Variants in ALG1L2 observed in about 807,000 individuals in gnomAD.
ALG1L2 encodes the protein ALG1 chitobiosyldiphosphodolichol beta-mannosyltransferase like 2, also known as putative glycosyltransferase ALG1L2.
Under a neutral mutation model 29.0 loss-of-function variants are expected in ALG1L2, and 32 were observed. The ratio of observed to expected loss-of-function variants is 1.10; its 90% CI spans 0.83 to 1.48. ALG1L2 has a LOEUF of 1.48. Ranked by LOEUF, ALG1L2 falls within the 40% of genes most tolerant of loss-of-function variation. The probability of loss-of-function intolerance (pLI) is 0.00; values close to 1 mark genes in which losing one functional copy is unlikely to be tolerated. For missense variants in ALG1L2, 318 were observed against 274.1 expected (o/e 1.16, Z -1.13); for synonymous variants, 110 against 109.5 (o/e 1.00, Z -0.03).
At chr3:130,095,559 C>T (rs1178443643) in intron 5 of ALG1L2, among the ~76,000 whole-genome samples, 4 of 151,974 alleles carry the variant, frequency 2.6e-5, no homozygotes, top group Non-Finnish European at 4.4e-5. Flanking sequence ...GCCTCAGCCT[C>T]CTGAGTAGCG....
chr3:130,096,019 C>A (rs9863859), intron 5 of ALG1L2, 30 bp from the exon 6 acceptor site: 2 of 1,587,638 alleles, frequency 1.3e-6, no homozygotes, highest in Admixed American at 1.8e-5. Context: ...CAGAGACCAG[C>A]GCTCTGGCCA....
At position 130,098,298 on chromosome 3, in the gene ALG1L2, G is replaced by C. The variant is rs539447117; in HGVS notation, c.*43G>C. On this transcript the variant is annotated 3_prime_UTR_variant, in exon 8 of 8. Coordinates refer to ENST00000425059, the MANE Select transcript of ALG1L2 (RefSeq NM_001136152.1). ...ACCAGTTCCGGAAGAACCTGCGGGA[G>C]TCGCAGCAGCTCTGATGGGATGAGA... The C allele has an allele frequency of 1.8e-5, 29 of 1,596,456 alleles. No homozygotes were observed. The South Asian group carries it at 3.0e-4, about 16-fold the overall frequency.
At chr3:130,098,121 G>C (rs1434977283) in intron 7 of ALG1L2, 102 bp from the exon 8 acceptor site, 25 of 1,493,778 alleles carry the variant, frequency 1.7e-5, no homozygotes, top group Non-Finnish European at 1.9e-5. Context: ...GAGGGAGCTA[G>C]GGACTTGGGA....
rs747096677 is a variant in ALG1L2 at position 130,084,991 on chromosome 3, C to T, written c.20+2955C>T. Among the ~76,000 whole-genome samples the T allele has an allele frequency of 3.6e-5, 4 of 110,060 alleles. 1 individual carries two copies. Among genetic ancestry groups the T allele is most frequent in the African/African-American group, 6.4e-5 (2 of 31,442 alleles). 72.2% of individuals were successfully genotyped at this position (110,060 alleles called of 152,430 possible). A position where few individuals can be genotyped will look rare whatever the true frequency, so the allele number is the denominator to read the frequency against. On this transcript the variant is annotated intron_variant, in intron 1 of 7. Coordinates refer to ENST00000425059, the MANE Select transcript of ALG1L2 (RefSeq NM_001136152.1). ...TTATTTATTTTGAGACAGAATCCTGCTCTGTCACCCTGGCTGGAGTGCGGT... is the reference window on the plus strand; with the variant it reads ...TTATTTATTTTGAGACAGAATCCTGTTCTGTCACCCTGGCTGGAGTGCGGT...
rs1479189539 is a variant in ALG1L2, at chr3:130,081,972, T to C, written c.-45T>C. On this transcript the variant is annotated 5_prime_UTR_variant, in exon 1 of 8. Coordinates refer to ENST00000425059, the MANE Select transcript of ALG1L2 (RefSeq NM_001136152.1). ...GAGGCTGTCACAGAGGCTGGAGAAA[T>C]AAGCAGTTCCTTGCTAAGAAGTCTG... 2 of 1,441,962 alleles carry C rather than the reference T, an allele frequency of 1.4e-6. 1 individual carries two copies. Among genetic ancestry groups the C allele is most frequent in the Non-Finnish European group, 1.9e-6 (2 of 1,049,432 alleles). The allele number at this position is 1,441,962 out of a possible 1,614,324, so 89.3% of individuals were successfully genotyped here.
rs562843119 is a variant in ALG1L2 at position 130,092,011 on chromosome 3, G to A, written c.132-90G>A. On this transcript the variant is annotated intron_variant, in intron 2 of 7. Coordinates refer to ENST00000425059, the MANE Select transcript of ALG1L2 (RefSeq NM_001136152.1). Reference sequence around the variant, plus strand: ...CAGCCGGGCACCCCAACCGTTGGGAGCCTGCAGGCCTCACCATGGCAGGAG... The same window carrying A: ...CAGCCGGGCACCCCAACCGTTGGGAACCTGCAGGCCTCACCATGGCAGGAG... 42 of 1,572,770 alleles carry A rather than the reference G, an allele frequency of 2.7e-5. No individual in the cohort carries two copies. In the African/African-American group the frequency reaches 4.5e-4, roughly 17 times the overall value.
intron 6 of ALG1L2, 72 bp downstream of exon 6, chr3:130,096,235 G>C (rs1404999386): frequency 1.9e-6 from 3 of 1,542,904 alleles, no homozygotes; most frequent in Non-Finnish European, 2.6e-6. Context: ...GCAGTGCAGA[G>C]TGAGCTGCCC....
At chr3:130,094,343 TG>T (rs1476730864) in intron 4 of ALG1L2, 59 bp from the exon 5 acceptor site, 14 of 1,560,844 alleles carry the variant, frequency 9.0e-6, no homozygotes, top group Non-Finnish European at 1.2e-5. Context: ...GTCTTGGGCC[TG>T]GGGCTATGTG....
At chr3:130,097,619 G>T (rs1177172479) in intron 7 of ALG1L2, among the ~76,000 whole-genome samples, 1 of 152,190 alleles carries the variant, frequency 6.6e-6, no homozygotes, top group Non-Finnish European at 1.5e-5. Context: ...AAGGTTACTT[G>T]TTTCTTATTG....
intron 5 of ALG1L2, among the ~76,000 whole-genome samples, chr3:130,095,103 A>C (rs756447573): frequency 1.3e-5 from 2 of 152,128 alleles, no homozygotes; most frequent in Non-Finnish European, 2.9e-5. Context: ...ATCTCAGTTC[A>C]TGCAACCTCT....
chr3:130,091,926 CA>C, intron 2 of ALG1L2, 174 bp from the exon 3 acceptor site: 1 of 1,021,192 alleles, frequency 9.8e-7, no homozygotes, highest in East Asian at 2.6e-5. Context: ...CACCCAGCAA[CA>C]ATATTAGAGA....
rs115228908 is a variant in ALG1L2, at chr3:130,085,461, A to C, written c.20+3425A>C. Among the ~76,000 whole-genome samples the C allele has an allele frequency of 2.7e-3, 177 of 64,464 alleles. 1 individual carries two copies. Among genetic ancestry groups the C allele is most frequent in the South Asian group, 8.9e-3 (17 of 1,920 alleles). 42.3% of individuals were successfully genotyped at this position (64,464 alleles called of 152,430 possible). On this transcript the variant is annotated intron_variant, in intron 1 of 7. Transcript: ENST00000425059. ...CTATGTCTGCCAGGTTGGTCTTGAA[A>C]CTTGGCCTCAAGTGATCCTCTTGCC...
In ALG1L2 at chr3:130,096,184, T is replaced by C. The variant is rs780289632; in HGVS notation, c.539+21T>C. On this transcript the variant is annotated intron_variant, in intron 6 of 7. Transcript: ENST00000425059. ...AAGTGGTAGGAGCAGAACCCGAATT[T>C]TTTCTGGGGATAGCTTCACAGATCC... The C allele has an allele frequency of 3.1e-4, 494 of 1,610,170 alleles. 3 individuals are homozygous for C. The East Asian group carries it at 7.0e-3, about 23-fold the overall frequency.
At chr3:130,087,448 C>T (rs1169044298) in intron 1 of ALG1L2, among the ~76,000 whole-genome samples, 1 of 149,618 alleles carries the variant, frequency 6.7e-6, no homozygotes, top group Non-Finnish European at 1.5e-5. Flanking sequence ...CTGGGATGAT[C>T]GTTTGCTCCA....
At chr3:130,092,302 C>G (rs1473013038) in intron 3 of ALG1L2, 80 bp downstream of exon 3, 3 of 1,587,474 alleles carry the variant, frequency 1.9e-6, no homozygotes, top group Non-Finnish European at 2.6e-6. Context: ...CCTGCCAGTC[C>G]TGCATGCCCC....
intron 7 of ALG1L2, among the ~76,000 whole-genome samples, chr3:130,097,647 T>G (rs1392374830): frequency 1.3e-5 from 2 of 152,214 alleles, no homozygotes; most frequent in Admixed American, 1.3e-4. Flanking sequence ...TAATACATCA[T>G]TCTTGTCAAC....
At chr3:130,091,875 GA>G (rs1935021014) in intron 2 of ALG1L2, 4 of 785,520 alleles carry the variant, frequency 5.1e-6, no homozygotes, top group African/African-American at 3.5e-5. Context: ...GTCCTGTGGA[GA>G]AAAGGAATTA....
intron 1 of ALG1L2, among the ~76,000 whole-genome samples, chr3:130,084,197 A>G (rs1220649079): frequency 6.6e-6 from 1 of 151,234 alleles, no homozygotes; most frequent in East Asian, 1.9e-4. Flanking sequence ...ATGGTGGCTC[A>G]CACCTGTAAT....
Position 130,093,169 on chromosome 3 carries a change from T to C in ALG1L2, c.313+9T>C, listed in dbSNP as rs760594543. ...CGTCTGTGTGATAACAGGTACTGCC[T>C]GGGACCCTGGGTGTCTGTTTGGTTG... On this transcript the variant is annotated intron_variant, in intron 4 of 7. Transcript: ENST00000425059. 1.1e-5 allele frequency: 18 copies of C among 1,610,414 alleles called. No individual in the cohort carries two copies. Among genetic ancestry groups the C allele is most frequent in the Non-Finnish European group, 8.5e-7 (1 of 1,178,956 alleles).
Sources: gnomAD v4.1 joint callset for allele counts (sites outside exome capture counted in the v4.1 genomes callset) on GRCh38, gnomAD v4.1.1 for gene constraint, MANE v1.5 for transcripts, NCBI Gene and HGNC (gene_info 2026-07-23, HGNC 2026-07-21) for gene names.